RASGRP1: variants seen among roughly 807,000 people sequenced by gnomAD.
RASGRP1 encodes RAS guanyl-releasing protein 1.
In RASGRP1, 37 loss-of-function variants were observed where a neutral mutation model predicts 95.1. The observed-to-expected ratio is 0.39, with a 90% CI of 0.30 to 0.51. The LOEUF (loss-of-function observed/expected upper bound fraction) is 0.51, where lower values mean the gene tolerates loss of function less well. Among genes scored for constraint, RASGRP1 ranks in the 20% least tolerant of loss-of-function variants. RASGRP1 has a pLI of 0.80. For synonymous variants in RASGRP1, 325 were observed against 353.4 expected, an observed-to-expected ratio of 0.92 and a Z score of 0.90; for missense variants, 711 against 965.4, an observed-to-expected ratio of 0.74 and a Z score of 3.49.
chr15:38,520,261 G>A (rs1024096444), intron 3 of RASGRP1, among the ~76,000 whole-genome samples: 4 of 152,182 alleles, frequency 2.6e-5, no homozygotes, highest in African/African-American at 9.7e-5. Flanking sequence ...TGTGCATAAT[G>A]ACTACAATAT....
At position 38,519,321 on chromosome 15, in the gene RASGRP1, C is replaced by G; in HGVS notation, c.377G>C (p.Cys126Ser). 6.5e-7 allele frequency: 1 copy of G among 1,527,254 alleles called. No homozygotes were observed. Among genetic ancestry groups the G allele is most frequent in the Non-Finnish European group, 9.1e-7 (1 of 1,101,606 alleles). 94.6% of individuals were successfully genotyped at this position (1,527,254 alleles called of 1,614,324 possible). ...KNSPGLCLKI[C>S]YFVRYWITEF... ...AAAGAAACATTACCTTACAAAATAA[C>G]AGATCTTCAGGCAAAGTCCTGGTGA... The change falls in exon 4 of 17, where the codon TGT (cysteine) becomes TCT (serine). Residue 126 changes from cysteine to serine, a missense_variant. Coordinates refer to ENST00000310803, the MANE Select transcript of RASGRP1 (RefSeq NM_005739.4).
At chr15:38,491,655 T>G (rs1251854247) in intron 16 of RASGRP1, among the ~76,000 whole-genome samples, 1 of 152,128 alleles carries the variant, frequency 6.6e-6, no homozygotes. Flanking sequence ...TTTGACTAGT[T>G]ATTATGGATA....
Position 38,490,644 on chromosome 15 carries a change from T to C in RASGRP1, c.2304A>G (p.Gln768=), listed in dbSNP as rs770184981. 2 of 1,613,200 alleles carry C rather than the reference T, an allele frequency of 1.2e-6. No homozygotes were observed. Among genetic ancestry groups the C allele is most frequent in the East Asian group, 2.2e-5 (1 of 44,856 alleles). Residue 768 remains glutamine (Q), a synonymous_variant, in exon 17 of 17, where the codon CAA becomes CAG. Transcript: ENST00000310803. The part of the protein sequence containing the change: ...LKADNDALKI[Q]LKYAQKKIES... Reference sequence around the variant, plus strand: ...CTATTTTCTTCTGTGCATATTTCAGTTGGATCTTTAGGGCATCATTATCTG... The same window carrying C: ...CTATTTTCTTCTGTGCATATTTCAGCTGGATCTTTAGGGCATCATTATCTG...
rs57422734 is a variant in RASGRP1, at chr15:38,559,386, G to A, written c.220+435C>T. ...AGTCCTTTCCTATTCCACCACATCT[G>A]CCCTCCAGATTGCAAGGGGAATTAT... is the stretch of plus-strand genomic sequence containing the variant. On this transcript the variant is annotated intron_variant, in intron 2 of 16. Coordinates refer to ENST00000310803, the MANE Select transcript of RASGRP1 (RefSeq NM_005739.4). 3.0e-3 allele frequency among the ~76,000 whole-genome samples: 454 copies of A among 152,222 alleles called. 2 individuals carry two copies. The highest frequency in any genetic ancestry group is 0.023 in the East Asian group (119 of 5,178).
At chr15:38,545,183 T>G (rs1893061710) in intron 2 of RASGRP1, among the ~76,000 whole-genome samples, 1 of 152,216 alleles carries the variant, frequency 6.6e-6, no homozygotes, top group South Asian at 2.1e-4. Context: ...TTGTCTTCTT[T>G]TCAGGTTCTG....
rs190774542 is a variant in RASGRP1, at chr15:38,520,734, C to T, written c.327-1363G>A. Among the ~76,000 whole-genome samples the T allele has an allele frequency of 2.9e-3, 434 of 152,080 alleles. 1 individual carries two copies. The highest frequency in any genetic ancestry group is 3.4e-3 in the Non-Finnish European group (234 of 67,972). On this transcript the variant is annotated intron_variant, in intron 3 of 16. Transcript: ENST00000310803. ...TAAAAATTATCTAAGATATAAAATGCAGAACTGTAGTTTAAAATCATTGGG... is the reference window on the plus strand; with the variant it reads ...TAAAAATTATCTAAGATATAAAATGTAGAACTGTAGTTTAAAATCATTGGG...
chr15:38,522,225 A>G (rs1320040757), intron 3 of RASGRP1, among the ~76,000 whole-genome samples: 1 of 152,222 alleles, frequency 6.6e-6, no homozygotes, highest in Non-Finnish European at 1.5e-5. Flanking sequence ...TACTTTTAAA[A>G]TACAAAAATA....
In RASGRP1 at chr15:38,546,231, A is replaced by ATTTT. The variant is rs978949356; in HGVS notation, c.220+13586_220+13589dup. The stretch of plus-strand genomic sequence containing the variant: ...TATAACTTTATTTATTTATTTATTT[A>ATTTT]TTTTTGAGATGGAGTCCCGCTCTGT... On this transcript the variant is annotated intron_variant, in intron 2 of 16. Transcript: ENST00000310803. Among the ~76,000 whole-genome samples, 10 of 148,890 alleles carry ATTTT rather than the reference A, an allele frequency of 6.7e-5. No homozygotes were observed. In the East Asian group the frequency reaches 1.4e-3, roughly 20 times the overall value.
At chr15:38,543,333 G>T (rs1892976749) in intron 2 of RASGRP1, among the ~76,000 whole-genome samples, 1 of 152,018 alleles carries the variant, frequency 6.6e-6, no homozygotes, top group African/African-American at 2.4e-5. Context: ...CTTTGCTGAG[G>T]ATCAACTGAC....
At chr15:38,530,820 A>G (rs1595863458) in intron 2 of RASGRP1, among the ~76,000 whole-genome samples, 1 of 152,366 alleles carries the variant, frequency 6.6e-6, no homozygotes, top group African/African-American at 2.4e-5. Context: ...TTTACCATGA[A>G]GAAAACTTGG....
chr15:38,515,887 C>G (rs200534806), intron 6 of RASGRP1, among the ~76,000 whole-genome samples: 20 of 140,980 alleles, frequency 1.4e-4, no homozygotes, highest in Non-Finnish European at 2.6e-4. Flanking sequence ...ATGAGAGAGA[C>G]AGAGAGAGAG....
intron 16 of RASGRP1, among the ~76,000 whole-genome samples, chr15:38,491,096 C>G (rs1054662683): frequency 6.6e-6 from 1 of 152,110 alleles, no homozygotes; most frequent in Non-Finnish European, 1.5e-5. Flanking sequence ...GTTTCCCCCC[C>G]ACAAATTATT....
chr15:38,501,561 T>A (rs1005994489), intron 12 of RASGRP1: 15 of 543,858 alleles, frequency 2.8e-5, no homozygotes, highest in African/African-American at 2.7e-4. Context: ...CTATAAGACT[T>A]GAAAAAGAAA....
intron 2 of RASGRP1, among the ~76,000 whole-genome samples, chr15:38,556,099 A>G (rs1893543440): frequency 6.6e-6 from 1 of 152,236 alleles, no homozygotes; most frequent in Non-Finnish European, 1.5e-5. Context: ...TGATTCACAT[A>G]TATTTGACAT....
At position 38,511,476 on chromosome 15, in the gene RASGRP1, G is replaced by A. The variant is rs188069274; in HGVS notation, c.966+128C>T. 232 of 669,426 alleles carry A rather than the reference G, an allele frequency of 3.5e-4. No individual in the cohort carries two copies. In the African/African-American group the frequency reaches 3.9e-3, roughly 11 times the overall value. 41.5% of individuals were successfully genotyped at this position (669,426 alleles called of 1,614,324 possible). ...GGATTTCCTTAAGGTTTGCCTCCCT[G>A]CCACTTAGCCTGGTTGACAAGGGAT... is the stretch of plus-strand genomic sequence containing the variant. On this transcript the variant is annotated intron_variant, in intron 8 of 16. Coordinates refer to ENST00000310803, the MANE Select transcript of RASGRP1 (RefSeq NM_005739.4).
intron 2 of RASGRP1, among the ~76,000 whole-genome samples, chr15:38,540,464 A>G (rs187200356): frequency 6.6e-6 from 1 of 152,294 alleles, no homozygotes; most frequent in Admixed American, 6.5e-5. Context: ...TTGGAAGAGA[A>G]AAGTGGCTAA....
Position 38,559,878 on chromosome 15 carries a change from G to C in RASGRP1, c.163C>G (p.His55Asp). The change falls in exon 2 of 17, where the codon CAT (histidine) becomes GAT (aspartate). Residue 55 changes from histidine to aspartate, a missense_variant. Transcript: ENST00000310803. ...TCCAGGCTGGCTCCTTTGGCTAAATGTCCCAGAGACACCATCATTCGGAAC... is the reference window on the plus strand; with the variant it reads ...TCCAGGCTGGCTCCTTTGGCTAAATCTCCCAGAGACACCATCATTCGGAAC... ...TQFRMMVSLGHLAKGASLDDL... is the reference protein window; with the variant it reads ...TQFRMMVSLGDLAKGASLDDL... The C allele has an allele frequency of 1.2e-6, 2 of 1,613,936 alleles. No individual in the cohort carries two copies. The highest frequency in any genetic ancestry group is 1.7e-6 in the Non-Finnish European group (2 of 1,179,838).
intron 3 of RASGRP1, among the ~76,000 whole-genome samples, chr15:38,519,624 A>G (rs1428059322): frequency 6.6e-6 from 1 of 152,236 alleles, no homozygotes; most frequent in Non-Finnish European, 1.5e-5. Context: ...AGGAAGCAGC[A>G]GCACTGCAGA....
intron 4 of RASGRP1, 102 bp from the exon 5 acceptor site, chr15:38,518,525 A>G (rs1566922095): frequency 7.8e-7 from 1 of 1,276,200 alleles, no homozygotes; most frequent in African/African-American, 1.5e-5. Context: ...GAACTCAGAA[A>G]AAGACAAAGT....
Sources: gnomAD v4.1 joint callset for allele counts (sites outside exome capture counted in the v4.1 genomes callset) on GRCh38, gnomAD v4.1.1 for gene constraint, MANE v1.5 for transcripts, NCBI Gene and HGNC (gene_info 2026-07-23, HGNC 2026-07-21) for gene names.